WWOX: variants seen among roughly 807,000 people sequenced by gnomAD.
The protein encoded by WWOX is WW domain-containing oxidoreductase.
In WWOX, 69 loss-of-function variants were observed where a neutral mutation model predicts 46.2. That is an observed-to-expected ratio of 1.49 (90% CI 1.23 to 1.82). The LOEUF is 1.82. Ranked by LOEUF, WWOX falls within the 40% of genes most tolerant of loss-of-function variation. The pLI is 0.00. For synonymous variants in WWOX, 359 were observed against 202.6 expected (o/e 1.77, Z -6.56); for missense variants, 919 against 542.6 (o/e 1.69, Z -6.89).
intron 8 of WWOX, among the ~76,000 whole-genome samples, chr16:78,737,708 G>C (rs932279139): frequency 1.3e-5 from 2 of 152,108 alleles, no homozygotes; most frequent in African/African-American, 4.8e-5. Context: ...TAAGAATCTA[G>C]GTATCATGGA....
intron 6 of WWOX, among the ~76,000 whole-genome samples, chr16:78,419,933 A>C (rs1014097290): frequency 6.6e-6 from 1 of 152,148 alleles, no homozygotes; most frequent in Non-Finnish European, 1.5e-5. Flanking sequence ...AACTTTTACA[A>C]TTCAATAATG....
intron 6 of WWOX, among the ~76,000 whole-genome samples, chr16:78,420,423 A>G (rs983434775): frequency 6.6e-6 from 1 of 152,184 alleles, no homozygotes; most frequent in Non-Finnish European, 1.5e-5. Context: ...ATAATGGAAT[A>G]TTATTTGCCC....
intron 5 of WWOX, among the ~76,000 whole-genome samples, chr16:78,356,481 T>C (rs2081293675): frequency 3.9e-5 from 6 of 152,058 alleles, no homozygotes. Context: ...CATCTCTAGT[T>C]TGTTGTAAGT....
chr16:79,054,384 G>C (rs976777119), intron 8 of WWOX, among the ~76,000 whole-genome samples: 1 of 152,162 alleles, frequency 6.6e-6, no homozygotes, highest in Non-Finnish European at 1.5e-5. Flanking sequence ...AGCTTGTTCA[G>C]TTGCATCCTA....
At chr16:78,114,462 C>T (rs529624112) in intron 3 of WWOX, among the ~76,000 whole-genome samples, 1 of 152,240 alleles carries the variant, frequency 6.6e-6, no homozygotes, top group Admixed American at 6.5e-5. Flanking sequence ...AATGAGTGCT[C>T]GTAGGAGGTA....
intron 8 of WWOX, among the ~76,000 whole-genome samples, chr16:78,742,879 A>C (rs1211059864): frequency 6.6e-6 from 1 of 152,098 alleles, no homozygotes; most frequent in Non-Finnish European, 1.5e-5. Context: ...TTCCCAGTGT[A>C]GGGTCTGGTC....
At chr16:78,221,412 G>C (rs2036884953) in intron 5 of WWOX, among the ~76,000 whole-genome samples, 1 of 152,132 alleles carries the variant, frequency 6.6e-6, no homozygotes, top group South Asian at 2.1e-4. Flanking sequence ...ATGTGTAAAG[G>C]AGTTAGTACG....
At chr16:78,862,320 TTCTATA>T (rs2043906224) in intron 8 of WWOX, among the ~76,000 whole-genome samples, 1 of 150,708 alleles carries the variant, frequency 6.6e-6, no homozygotes, top group South Asian at 2.1e-4. Flanking sequence ...GGGTGTGTCT[TTCTATA>T]TCTATACATT....
intron 8 of WWOX, among the ~76,000 whole-genome samples, chr16:78,916,478 C>G (rs565510086): frequency 6.6e-6 from 1 of 152,138 alleles, no homozygotes; most frequent in African/African-American, 2.4e-5. Flanking sequence ...GGAGATTCTG[C>G]TCTAAAGGGA....
chr16:78,830,280 G>T (rs567611897), intron 8 of WWOX, among the ~76,000 whole-genome samples: 1 of 148,982 alleles, frequency 6.7e-6, no homozygotes, highest in South Asian at 2.1e-4. Context: ...CTCCCTTTGT[G>T]TATGTTTAAA....
chr16:79,068,976 G>C (rs774266628), intron 8 of WWOX, among the ~76,000 whole-genome samples: 1 of 152,110 alleles, frequency 6.6e-6, no homozygotes, highest in Non-Finnish European at 1.5e-5. Flanking sequence ...ACGCACAGGC[G>C]TAAGATATGC....
intron 8 of WWOX, among the ~76,000 whole-genome samples, chr16:78,916,384 C>T (rs2045252511): frequency 1.3e-5 from 2 of 152,090 alleles, no homozygotes; most frequent in Non-Finnish European, 2.9e-5. Context: ...GATTAATCCC[C>T]CAAAAGTCAA....
intron 8 of WWOX, among the ~76,000 whole-genome samples, chr16:78,804,039 A>G (rs901885709): frequency 6.6e-6 from 1 of 152,056 alleles, no homozygotes; most frequent in Non-Finnish European, 1.5e-5. Context: ...TGAGATGGAA[A>G]CACTTCTTTC....
intron 8 of WWOX, among the ~76,000 whole-genome samples, chr16:78,796,980 C>T (rs143749012): frequency 6.6e-6 from 1 of 152,172 alleles, no homozygotes; most frequent in African/African-American, 2.4e-5. Flanking sequence ...CATGAGCCAC[C>T]ATGCCTGGCT....
intron 8 of WWOX, among the ~76,000 whole-genome samples, chr16:78,997,079 T>C (rs374954372): frequency 1.3e-5 from 2 of 152,256 alleles, no homozygotes; most frequent in African/African-American, 4.8e-5. Context: ...AAAGGCATCA[T>C]ACCATCTGCT....
At chr16:78,447,815 A>G (rs536913391) in intron 8 of WWOX, among the ~76,000 whole-genome samples, 1 of 152,188 alleles carries the variant, frequency 6.6e-6, no homozygotes, top group African/African-American at 2.4e-5. Flanking sequence ...ATTTATTATT[A>G]TTATGTGAGT....
intron 5 of WWOX, among the ~76,000 whole-genome samples, chr16:78,198,272 A>G (rs1410917328): frequency 6.6e-6 from 1 of 151,810 alleles, no homozygotes; most frequent in Non-Finnish European, 1.5e-5. Flanking sequence ...GATCCTGGGA[A>G]CTGGATTCCT....
chr16:78,464,573 G>C (rs543928018), intron 8 of WWOX, among the ~76,000 whole-genome samples: 2 of 152,156 alleles, frequency 1.3e-5, no homozygotes, highest in African/African-American at 2.4e-5. Flanking sequence ...GTTTTCTAAA[G>C]GGTAAAGGTG....
intron 8 of WWOX, among the ~76,000 whole-genome samples, chr16:78,512,559 C>G (rs2085386328): frequency 6.6e-6 from 1 of 152,126 alleles, no homozygotes; most frequent in African/African-American, 2.4e-5. Flanking sequence ...AAAAGCAATA[C>G]TCAAGTGGAG....
Sources: allele counts gnomAD v4.1 joint callset (sites outside exome capture counted in the v4.1 genomes callset), GRCh38; gene constraint gnomAD v4.1.1; transcripts MANE v1.5; gene names NCBI Gene and HGNC (gene_info 2026-07-23, HGNC 2026-07-21).